The following NLRP8 variants were observed in gnomAD, a reference collection of about 807,000 sequenced individuals.
NLRP8 encodes NLR family pyrin domain containing 8.
NLRP8 carries 86 observed loss-of-function variants against 88.7 expected under a neutral mutation model. The ratio of observed to expected loss-of-function variants is 0.97; its 90% CI spans 0.81 to 1.16. NLRP8 has a LOEUF of 1.16. Among genes scored for constraint, NLRP8 ranks in the 50% most tolerant of loss-of-function variants. The pLI is 0.00. For synonymous variants in NLRP8, 504 were observed against 494.6 expected (o/e 1.02, Z -0.25); for missense variants, 1,342 against 1,286.5 (o/e 1.04, Z -0.66).
chr19:55,949,490 G>A (rs1027313493), intron 1 of NLRP8, among the ~76,000 whole-genome samples: 4 of 151,984 alleles, frequency 2.6e-5, no homozygotes, highest in African/African-American at 4.8e-5. Flanking sequence ...TGCCTGCCTC[G>A]GCCTCCCAAA....
intron 7 of NLRP8, among the ~76,000 whole-genome samples, chr19:55,975,418 T>C (rs916959477): frequency 1.3e-5 from 2 of 152,164 alleles, no homozygotes; most frequent in African/African-American, 2.4e-5. Flanking sequence ...CCATCAGTCC[T>C]GCTAGTAGGT....
intron 6 of NLRP8, among the ~76,000 whole-genome samples, chr19:55,972,206 C>A (rs538120881): frequency 2.0e-5 from 3 of 151,176 alleles, no homozygotes; most frequent in Non-Finnish European, 4.4e-5. Context: ...GCTCTGCCTC[C>A]CTGCTTCAAG....
chr19:55,986,637 T>A (rs530887020), intron 9 of NLRP8, among the ~76,000 whole-genome samples: 3 of 152,334 alleles, frequency 2.0e-5, no homozygotes, highest in South Asian at 2.1e-4. Flanking sequence ...TGCAGAAAAG[T>A]GCCTGTTCCC....
chr19:55,978,964 C>A (rs1204659769), intron 8 of NLRP8, among the ~76,000 whole-genome samples: 1 of 152,036 alleles, frequency 6.6e-6, no homozygotes, highest in Admixed American at 6.6e-5. Context: ...ACACCTGGCC[C>A]ATTAGGACAA....
Position 55,948,139 on chromosome 19 carries a change from C to T in NLRP8, c.237C>T (p.Ala79=). The T allele has an allele frequency of 2.5e-6, 4 of 1,614,170 alleles. No individual in the cohort carries two copies. The highest frequency in any genetic ancestry group is 3.4e-6 in the Non-Finnish European group (4 of 1,180,038). The change falls in exon 1 of 10, where the codon GCC becomes GCT. Residue 79 remains alanine (A), a synonymous_variant. Transcript: ENST00000291971. ...TCACCTGGGACCAGGTCGAGACAGC[C>T]AGCTGGGCAGAGGTGGTTCATCTCT...
rs59906843 is a variant in NLRP8, at chr19:55,987,067, G to A, written c.3048-747G>A. On this transcript the variant is annotated intron_variant, in intron 9 of 9. Coordinates refer to ENST00000291971, the MANE Select transcript of NLRP8 (RefSeq NM_176811.2). ...GTCTCTCGTCCTTTTCAGACATTCG[G>A]TCTAAAATACTGTACAGAGGGCTGG... Among the ~76,000 whole-genome samples the A allele has an allele frequency of 2.0e-4, 31 of 152,270 alleles. No individual in the cohort carries two copies. The East Asian group carries it at 4.3e-3, about 21-fold the overall frequency.
intron 2 of NLRP8, among the ~76,000 whole-genome samples, chr19:55,953,792 C>CTTTTTTTTTT (rs35767678): frequency 1.8e-5 from 1 of 55,222 alleles, no homozygotes; most frequent in African/African-American, 7.3e-5. Flanking sequence ...TGTGCCTGGC[C>CTTTTTTTTTT]TTTTTTTTTT....
At chr19:55,979,781 T>C (rs1980498728) in intron 9 of NLRP8, among the ~76,000 whole-genome samples, 1 of 151,950 alleles carries the variant, frequency 6.6e-6, no homozygotes, top group Non-Finnish European at 1.5e-5. Flanking sequence ...TAACTAGGCA[T>C]GGTGGTGCAT....
chr19:55,962,215 C>T lies in NLRP8; in HGVS notation c.2191C>T (p.Gln731Ter). Reference sequence around the variant, plus strand: ...TCTCGCGGCCGCACTGAGGCACCCTCAGTGCAAACTGCAAAAGCTACTGTG... The same window carrying T: ...TCTCGCGGCCGCACTGAGGCACCCTTAGTGCAAACTGCAAAAGCTACTGTG... The change falls in exon 4 of 10, where the codon CAG (glutamine) becomes TAG (stop). Residue 731 changes from glutamine to a stop codon, truncating the protein, a stop_gained. Transcript: ENST00000291971. LOFTEE classifies it high-confidence loss of function. 1 of 1,613,804 alleles carries T rather than the reference C, an allele frequency of 6.2e-7. No individual in the cohort carries two copies. Among genetic ancestry groups the T allele is most frequent in the Non-Finnish European group, 8.5e-7 (1 of 1,179,942 alleles).
intron 1 of NLRP8, among the ~76,000 whole-genome samples, chr19:55,949,452 G>C (rs1401706983): frequency 6.6e-6 from 1 of 152,018 alleles, no homozygotes; most frequent in Non-Finnish European, 1.5e-5. Flanking sequence ...TGGCCAGGCT[G>C]GTTTCAAACT....
intron 6 of NLRP8, among the ~76,000 whole-genome samples, chr19:55,971,344 G>A (rs1369049635): frequency 6.7e-6 from 1 of 149,236 alleles, no homozygotes; most frequent in East Asian, 2.0e-4. Context: ...GGAGGCTGAG[G>A]TAGGAGAATC....
chr19:55,971,751 T>C (rs1434644916), intron 6 of NLRP8, among the ~76,000 whole-genome samples: 1 of 152,158 alleles, frequency 6.6e-6, no homozygotes, highest in Non-Finnish European at 1.5e-5. Context: ...AGTAGGTTTG[T>C]TTCCAGAGTG....
intron 8 of NLRP8, 72 bp downstream of exon 8, chr19:55,976,375 T>TA: frequency 7.7e-7 from 1 of 1,297,638 alleles, no homozygotes; most frequent in Non-Finnish European, 1.0e-6. Context: ...ATGGAATATA[T>TA]AACAGGAAAG....
intron 8 of NLRP8, among the ~76,000 whole-genome samples, chr19:55,976,979 C>T (rs1980369111): frequency 6.7e-6 from 1 of 148,664 alleles, no homozygotes; most frequent in South Asian, 2.1e-4. Flanking sequence ...AATCGGGAGG[C>T]TGAGGCAGGA....
At chr19:55,964,950 G>A (rs539608741) in intron 4 of NLRP8, among the ~76,000 whole-genome samples, 39 of 152,162 alleles carry the variant, frequency 2.6e-4, no homozygotes, top group Non-Finnish European at 4.7e-4. Context: ...GTGAACATAA[G>A]CATTAGAGGT....
At chr19:55,986,511 A>ACACACACACACAAAT (rs1568472101) in intron 9 of NLRP8, among the ~76,000 whole-genome samples, 1 of 90,848 alleles carries the variant, frequency 1.1e-5, no homozygotes, top group African/African-American at 4.4e-5. Flanking sequence ...CACACACACT[A>ACACACACACACAAAT]ATTGCTTCAG....
chr19:55,966,922 A>C (rs1979869508), intron 5 of NLRP8, among the ~76,000 whole-genome samples: 1 of 152,230 alleles, frequency 6.6e-6, no homozygotes, highest in African/African-American at 2.4e-5. Context: ...GATATTTTCT[A>C]ACTTTTTATT....
intron 3 of NLRP8, among the ~76,000 whole-genome samples, chr19:55,960,445 C>G (rs1979557247): frequency 6.6e-6 from 1 of 152,176 alleles, no homozygotes; most frequent in Non-Finnish European, 1.5e-5. Context: ...GGAATAAACA[C>G]CAGAGCTTGT....
At chr19:55,948,412 C>G in intron 1 of NLRP8, 143 bp downstream of exon 1, 1 of 833,630 alleles carries the variant, frequency 1.2e-6, no homozygotes. Context: ...AACCCAAAGG[C>G]AAAGACTGTC....
Sources: gnomAD v4.1 joint callset for allele counts (sites outside exome capture counted in the v4.1 genomes callset) on GRCh38, gnomAD v4.1.1 for gene constraint, MANE v1.5 for transcripts, NCBI Gene and HGNC (gene_info 2026-07-23, HGNC 2026-07-21) for gene names.